CSTPP1: variants seen among roughly 807,000 people sequenced by gnomAD.
CSTPP1 encodes UPF0705 protein C11orf49.
At chr11:47,145,491 A>C in the CSTPP1 span, among the ~76,000 whole-genome samples, 2 of 152,070 alleles carry the variant, frequency 1.3e-5, no homozygotes, top group Non-Finnish European at 2.9e-5. Context: ...GCACCTATGG[A>C]ATCCCAGCTA....
At chr11:46,987,147 G>A in the CSTPP1 span, 9 of 1,522,742 alleles carry the variant, frequency 5.9e-6, no homozygotes, top group East Asian at 4.5e-5. Context: ...ACTAGGATTG[G>A]GATCATTCTT....
chr11:47,106,334 T>C, the CSTPP1 span, among the ~76,000 whole-genome samples: 9 of 152,218 alleles, frequency 5.9e-5, no homozygotes, highest in Admixed American at 2.0e-4. Context: ...GAAGGACTTC[T>C]AGTGAAAGGA....
the CSTPP1 span, among the ~76,000 whole-genome samples, chr11:47,003,438 A>G: frequency 6.6e-6 from 1 of 152,154 alleles, no homozygotes; most frequent in Non-Finnish European, 1.5e-5. Context: ...AGTGAAATGA[A>G]AGTCAAATGA....
the CSTPP1 span, among the ~76,000 whole-genome samples, chr11:46,963,581 C>T: frequency 6.6e-6 from 1 of 151,648 alleles, no homozygotes; most frequent in Non-Finnish European, 1.5e-5. Flanking sequence ...GCCAGGAGTT[C>T]GAGACCAGCC....
chr11:47,110,014 C>T, the CSTPP1 span, among the ~76,000 whole-genome samples: 1 of 152,136 alleles, frequency 6.6e-6, no homozygotes, highest in Non-Finnish European at 1.5e-5. Flanking sequence ...GTTCTCAGCT[C>T]AAATGGTACG....
At chr11:47,148,186 G>A in the CSTPP1 span, among the ~76,000 whole-genome samples, 11 of 152,190 alleles carry the variant, frequency 7.2e-5, no homozygotes, top group African/African-American at 2.4e-4. Context: ...AAGGTAACCA[G>A]ACATCGTGTC....
chr11:47,084,944 G>A, the CSTPP1 span, among the ~76,000 whole-genome samples: 1 of 152,130 alleles, frequency 6.6e-6, no homozygotes, highest in African/African-American at 2.4e-5. Flanking sequence ...CAGCACTTTG[G>A]GAGGCCAAGG....
At chr11:47,074,568 T>C in the CSTPP1 span, among the ~76,000 whole-genome samples, 3 of 151,958 alleles carry the variant, frequency 2.0e-5, no homozygotes, top group African/African-American at 7.3e-5. Context: ...GGGGAAATTT[T>C]CTTTTAAAAA....
the CSTPP1 span, among the ~76,000 whole-genome samples, chr11:47,101,187 T>TTTTTTTTTTTTTTTTTTTTTG: frequency 9.8e-6 from 1 of 101,756 alleles, no homozygotes; most frequent in African/African-American, 4.0e-5. Flanking sequence ...TTTTTTTTTT[T>TTTTTTTTTTTTTTTTTTTTTG]TTATTTTATT....
chr11:47,017,065 A>G, the CSTPP1 span, among the ~76,000 whole-genome samples: 1 of 147,938 alleles, frequency 6.8e-6, no homozygotes. Context: ...GTTAGCCAGG[A>G]TGGTCTCGAT....
the CSTPP1 span, among the ~76,000 whole-genome samples, chr11:47,050,256 A>G: frequency 1.3e-5 from 2 of 152,216 alleles, no homozygotes; most frequent in African/African-American, 4.8e-5. Context: ...TCAAAGATAC[A>G]TTCTACCTGG....
the CSTPP1 span, among the ~76,000 whole-genome samples, chr11:47,142,507 C>T: frequency 6.6e-6 from 1 of 152,074 alleles, no homozygotes; most frequent in Admixed American, 6.5e-5. Flanking sequence ...GTTCCTGCCC[C>T]TCAAAGAACT....
At chr11:47,071,642 G>A in the CSTPP1 span, among the ~76,000 whole-genome samples, 2 of 152,096 alleles carry the variant, frequency 1.3e-5, no homozygotes, top group Non-Finnish European at 2.9e-5. Context: ...CTGCTGGGTC[G>A]TGCTTACTTA....
chr11:47,065,577 C>G, the CSTPP1 span, among the ~76,000 whole-genome samples: 99,268 of 151,946 alleles, frequency 0.65, 32,780 homozygotes, highest in Middle Eastern at 0.7. Context: ...CACGCCCAGC[C>G]TCTTTCAGCG....
the CSTPP1 span, chr11:47,159,833 C>T: frequency 1.8e-5 from 7 of 389,214 alleles, no homozygotes; most frequent in East Asian, 1.5e-4. Context: ...GGAGAAACCC[C>T]GTCTCTACTG....
chr11:46,987,277 G>A, the CSTPP1 span: 2 of 1,614,158 alleles, frequency 1.2e-6, no homozygotes, highest in East Asian at 2.2e-5. Context: ...GAAGATATTA[G>A]CCAATATGGA....
chr11:47,036,034 G>GATATATATATATAT, the CSTPP1 span, among the ~76,000 whole-genome samples: 302 of 25,356 alleles, frequency 0.012, 35 homozygotes, highest in Non-Finnish European at 0.014. Flanking sequence ...GGAGTGAAAA[G>GATATATATATATAT]ATATATATAT....
At chr11:47,164,061 C>G in the CSTPP1 span, 11 of 1,582,236 alleles carry the variant, frequency 7.0e-6, no homozygotes, top group African/African-American at 6.8e-5. Flanking sequence ...AAAGGGCCAA[C>G]TAATGCCAGC....
At chr11:47,145,521 A>G in the CSTPP1 span, among the ~76,000 whole-genome samples, 1 of 152,134 alleles carries the variant, frequency 6.6e-6, no homozygotes, top group Non-Finnish European at 1.5e-5. Flanking sequence ...CTGAGGCAGG[A>G]GAACTGCTTG....
Sources: gnomAD v4.1 joint callset for allele counts (sites outside exome capture counted in the v4.1 genomes callset) on GRCh38, gnomAD v4.1.1 for gene constraint, MANE v1.5 for transcripts, NCBI Gene and HGNC (gene_info 2026-07-23, HGNC 2026-07-21) for gene names.